Variants in CALN1 observed in about 807,000 individuals in gnomAD.
The protein encoded by CALN1 is calneuron 1.
CALN1 carries 17 observed loss-of-function variants against 30.6 expected under a neutral mutation model. The observed-to-expected ratio is 0.56, with a 90% confidence interval of 0.38 to 0.83. The LOEUF (loss-of-function observed/expected upper bound fraction) is 0.83. Ranked by LOEUF, CALN1 falls within the 40% of genes least tolerant of loss-of-function variation. The probability of loss-of-function intolerance (pLI) is 0.00; values close to 1 mark genes in which losing one functional copy is unlikely to be tolerated. For missense variants in CALN1, 291 were observed against 354.9 expected, an observed-to-expected ratio of 0.82 and a Z score of 1.45; for synonymous variants, 156 against 131.4, an observed-to-expected ratio of 1.19 and a Z score of -1.28.
At chr7:71,966,063 A>G (rs1051267584) in intron 5 of CALN1, among the ~76,000 whole-genome samples, 21 of 152,152 alleles carry the variant, frequency 1.4e-4, no homozygotes, top group African/African-American at 5.1e-4. Flanking sequence ...GACAATTTCT[A>G]TTTTGCAGGT....
rs115022661 is a variant in CALN1 at position 72,239,960 on chromosome 7, T to G, written c.244+38726A>C. Among the ~76,000 whole-genome samples, 604 of 152,306 alleles carry G rather than the reference T, an allele frequency of 4.0e-3. 3 individuals carry two copies. The highest frequency in any genetic ancestry group is 0.012 in the African/African-American group (517 of 41,570). On this transcript the variant is annotated intron_variant, in intron 3 of 6. Transcript: ENST00000395275. ...GGTGGAAGGGCTTAAGGATTTCTAT[T>G]CGACCATGCTGAAACCAAGCTTTAA...
intron 3 of CALN1, among the ~76,000 whole-genome samples, chr7:72,252,114 G>C (rs772033888): frequency 6.6e-6 from 1 of 152,084 alleles, no homozygotes; most frequent in Non-Finnish European, 1.5e-5. Flanking sequence ...CAGCTAATAA[G>C]TATTGGACTC....
At chr7:71,878,894 G>A (rs997013307) in intron 5 of CALN1, among the ~76,000 whole-genome samples, 5 of 152,218 alleles carry the variant, frequency 3.3e-5, no homozygotes, top group African/African-American at 1.2e-4. Flanking sequence ...GAAGAATCAG[G>A]TGAGAAGAGA....
chr7:72,451,724 T>C (rs1247746940), upstream of CALN1, among the ~76,000 whole-genome samples: 4 of 152,112 alleles, frequency 2.6e-5, no homozygotes, highest in Non-Finnish European at 5.9e-5. Context: ...CAAGGACAAA[T>C]GAGAAGCTCC....
intron 4 of CALN1, among the ~76,000 whole-genome samples, chr7:72,026,598 T>TA (rs1332813848): frequency 1.6e-4 from 24 of 149,664 alleles, no homozygotes; most frequent in African/African-American, 5.8e-4. Flanking sequence ...AAAAAAAAAA[T>TA]AGAGAGGGGG....
At chr7:71,839,156 A>G (rs1789790037) in intron 5 of CALN1, among the ~76,000 whole-genome samples, 1 of 152,088 alleles carries the variant, frequency 6.6e-6, no homozygotes, top group Non-Finnish European at 1.5e-5. Flanking sequence ...AGACCCATAA[A>G]AGAGATACTC....
chr7:72,223,433 T>G (rs1562761370), intron 3 of CALN1, among the ~76,000 whole-genome samples: 1 of 152,144 alleles, frequency 6.6e-6, no homozygotes. Flanking sequence ...GGTGATTCAT[T>G]TTTTGATGGA....
intron 5 of CALN1, among the ~76,000 whole-genome samples, chr7:72,010,654 A>AC (rs1408076598): frequency 6.6e-6 from 1 of 151,940 alleles, no homozygotes; most frequent in African/African-American, 2.4e-5. Flanking sequence ...TCTACTAAAA[A>AC]TACAAAAATT....
chr7:72,024,351 T>C (rs1376051041), intron 4 of CALN1, among the ~76,000 whole-genome samples: 1 of 152,214 alleles, frequency 6.6e-6, no homozygotes, highest in Non-Finnish European at 1.5e-5. Context: ...AGTTCTGAGT[T>C]TAATTCCCCA....
At chr7:72,376,666 A>G (rs374609674) in intron 2 of CALN1, among the ~76,000 whole-genome samples, 8 of 151,768 alleles carry the variant, frequency 5.3e-5, no homozygotes, top group Admixed American at 1.3e-4. Context: ...TTATCTTTTC[A>G]CTTTCTTGAT....
intron 5 of CALN1, among the ~76,000 whole-genome samples, chr7:71,987,557 C>G (rs1252297365): frequency 6.6e-6 from 1 of 152,174 alleles, no homozygotes; most frequent in Admixed American, 6.5e-5. Context: ...GTGTTGGGAC[C>G]ATGAGTAATT....
At chr7:71,800,934 T>G (rs914340431) in intron 6 of CALN1, among the ~76,000 whole-genome samples, 5 of 152,188 alleles carry the variant, frequency 3.3e-5, no homozygotes, top group African/African-American at 1.2e-4. Flanking sequence ...CAGCCCCGCA[T>G]GCATTAGCTA....
At chr7:71,857,028 G>GTGTGTA (rs200065713) in intron 5 of CALN1, among the ~76,000 whole-genome samples, 5,850 of 149,936 alleles carry the variant, frequency 0.039, 373 homozygotes, top group African/African-American at 0.14. Context: ...GTGTGTGTGT[G>GTGTGTA]TGTGTGTGTG....
At chr7:72,292,529 T>G (rs186727423) in intron 2 of CALN1, among the ~76,000 whole-genome samples, 80 of 150,712 alleles carry the variant, frequency 5.3e-4, no homozygotes, top group Non-Finnish European at 9.5e-4. Context: ...CAATAAGAAT[T>G]TCAACATATA....
intron 5 of CALN1, among the ~76,000 whole-genome samples, chr7:71,827,479 A>G (rs772197071): frequency 3.0e-4 from 46 of 152,110 alleles, no homozygotes; most frequent in Non-Finnish European, 5.7e-4. Flanking sequence ...GATAAGAAAC[A>G]AAAGAGTGAG....
At chr7:72,364,818 G>C (rs1444502089) in intron 2 of CALN1, among the ~76,000 whole-genome samples, 1 of 152,152 alleles carries the variant, frequency 6.6e-6, no homozygotes. Context: ...TTATTCAAAA[G>C]TAGTATTAGT....
chr7:72,142,464 A>C (rs1810020426), intron 3 of CALN1, among the ~76,000 whole-genome samples: 1 of 152,212 alleles, frequency 6.6e-6, no homozygotes, highest in African/African-American at 2.4e-5. Flanking sequence ...AGGTAAAAAA[A>C]GTGGCCAGGA....
At chr7:72,306,158 A>C (rs982124847) in intron 2 of CALN1, among the ~76,000 whole-genome samples, 3 of 152,196 alleles carry the variant, frequency 2.0e-5, no homozygotes, top group Non-Finnish European at 4.4e-5. Context: ...GACAAGGAAG[A>C]AAATCAAAAA....
intron 3 of CALN1, among the ~76,000 whole-genome samples, chr7:72,255,716 T>C (rs1037202284): frequency 3.4e-5 from 5 of 146,996 alleles, no homozygotes; most frequent in African/African-American, 5.1e-5. Context: ...ACACCCAGCA[T>C]AGCTCACTTA....
Sources: allele counts gnomAD v4.1 joint callset (sites outside exome capture counted in the v4.1 genomes callset), GRCh38; gene constraint gnomAD v4.1.1; transcripts MANE v1.5; gene names NCBI Gene and HGNC (gene_info 2026-07-23, HGNC 2026-07-21).